Variants in LCLAT1 observed in about 807,000 individuals in gnomAD.
The protein encoded by LCLAT1 is lysocardiolipin acyltransferase 1.
LCLAT1 carries 11 observed loss-of-function variants against 30.7 expected under a neutral mutation model. The ratio of observed to expected loss-of-function variants is 0.36; its 90% CI spans 0.23 to 0.59. The LOEUF is 0.59. LCLAT1 is among the 20% of genes least tolerant of loss of function. The pLI, the probability that LCLAT1 is intolerant of heterozygous loss-of-function variation, is 0.77. For missense variants in LCLAT1, 402 were observed against 458.6 expected, an observed-to-expected ratio of 0.88 and a Z score of 1.13; for synonymous variants, 155 against 151.3, an observed-to-expected ratio of 1.02 and a Z score of -0.18.
chr2:30,558,075 G>A (rs891586156), intron 3 of LCLAT1, among the ~76,000 whole-genome samples: 2 of 152,294 alleles, frequency 1.3e-5, no homozygotes, highest in East Asian at 1.9e-4. Context: ...ACATCCTAAT[G>A]AGTTTGGGAT....
intron 5 of LCLAT1, among the ~76,000 whole-genome samples, chr2:30,620,235 T>A (rs1183036296): frequency 6.6e-6 from 1 of 152,178 alleles, no homozygotes; most frequent in African/African-American, 2.4e-5. Context: ...ATTTCCCCAG[T>A]GTGGCCTTTC....
chr2:30,474,412 G>A (rs1158293783), intron 1 of LCLAT1, among the ~76,000 whole-genome samples: 2 of 152,136 alleles, frequency 1.3e-5, no homozygotes, highest in Non-Finnish European at 2.9e-5. Flanking sequence ...TGCAGTGAGT[G>A]GGGGTTAAAA....
chr2:30,622,221 AC>A (rs953878773), intron 5 of LCLAT1, among the ~76,000 whole-genome samples: 14 of 151,866 alleles, frequency 9.2e-5, no homozygotes, highest in African/African-American at 3.1e-4. Flanking sequence ...TGAGAACCAC[AC>A]CCCCATCCCC....
chr2:30,612,745 G>A (rs1374078851), intron 5 of LCLAT1, among the ~76,000 whole-genome samples: 1 of 152,078 alleles, frequency 6.6e-6, no homozygotes, highest in African/African-American at 2.4e-5. Context: ...CTCTCATAAT[G>A]CACCTTTCTA....
At chr2:30,562,760 A>G (rs1463623612) in intron 4 of LCLAT1, among the ~76,000 whole-genome samples, 1 of 152,196 alleles carries the variant, frequency 6.6e-6, no homozygotes, top group Non-Finnish European at 1.5e-5. Flanking sequence ...GTTAATGTTT[A>G]TCCTCCCCTA....
At chr2:30,592,692 ATT>A (rs766488182) in intron 5 of LCLAT1, among the ~76,000 whole-genome samples, 43 of 152,336 alleles carry the variant, frequency 2.8e-4, no homozygotes, top group Middle Eastern at 3.4e-3. Context: ...ATTTAAATAT[ATT>A]TAGTTACACA....
chr2:30,538,161 T>C (rs1663896059), intron 3 of LCLAT1, among the ~76,000 whole-genome samples: 1 of 152,026 alleles, frequency 6.6e-6, no homozygotes, highest in Non-Finnish European at 1.5e-5. Context: ...AATACACCTC[T>C]ATGAACTAGG....
At chr2:30,466,941 T>A (rs1320107845) in intron 1 of LCLAT1, among the ~76,000 whole-genome samples, 3 of 152,218 alleles carry the variant, frequency 2.0e-5, no homozygotes, top group Non-Finnish European at 4.4e-5. Context: ...ATTTATTTTT[T>A]ATTTTTTTTA....
intron 3 of LCLAT1, among the ~76,000 whole-genome samples, chr2:30,542,019 GT>G (rs1257913340): frequency 3.3e-5 from 5 of 152,092 alleles, no homozygotes. Context: ...CATATAGCTT[GT>G]TTTATGATGT....
At chr2:30,469,476 C>T (rs1046768003) in intron 1 of LCLAT1, among the ~76,000 whole-genome samples, 5 of 151,878 alleles carry the variant, frequency 3.3e-5, no homozygotes, top group Admixed American at 3.3e-4. Flanking sequence ...ATTGTTCTCT[C>T]TCCATTGAAT....
intron 1 of LCLAT1, among the ~76,000 whole-genome samples, chr2:30,463,804 G>C (rs957691786): frequency 6.6e-6 from 1 of 152,116 alleles, no homozygotes. Flanking sequence ...TTAGATGACT[G>C]TGCTTCACTT....
chr2:30,469,101 TG>T (rs373275323), intron 1 of LCLAT1, among the ~76,000 whole-genome samples: 87 of 152,324 alleles, frequency 5.7e-4, no homozygotes, highest in African/African-American at 2.0e-3. Context: ...AAAAGTTATT[TG>T]TCTTTTTGTT....
chr2:30,568,721 A>G (rs1291079758), intron 5 of LCLAT1, among the ~76,000 whole-genome samples: 1 of 151,122 alleles, frequency 6.6e-6, no homozygotes, highest in Non-Finnish European at 1.5e-5. Flanking sequence ...GTTAGCCGGG[A>G]TGGTCTCGAT....
intron 5 of LCLAT1, among the ~76,000 whole-genome samples, chr2:30,586,168 C>T (rs948738493): frequency 1.1e-4 from 16 of 140,848 alleles, no homozygotes; most frequent in African/African-American, 3.3e-4. Flanking sequence ...GGCGTCAACC[C>T]GGGAGGCGGA....
rs1429040989 is a variant in LCLAT1, at chr2:30,642,402, T to C, written c.*1783T>C. On this transcript the variant is annotated 3_prime_UTR_variant, in exon 6 of 6. Transcript: ENST00000379509. ...AGCTTGTTTTTTCTTTTTCTTTTCT[T>C]TTTTTTTTTTTTTTTTTAAAAAAGC... 3.8e-4 allele frequency: 2 copies of C among 5,230 alleles called. No homozygotes were observed. The highest frequency in any genetic ancestry group is 7.6e-4 in the Non-Finnish European group (2 of 2,642). The allele number at this position is 5,230 out of a possible 1,614,324, so 0.3% of individuals were successfully genotyped here.
chr2:30,617,865 A>G (rs924695366), intron 5 of LCLAT1, among the ~76,000 whole-genome samples: 2 of 152,246 alleles, frequency 1.3e-5, no homozygotes, highest in African/African-American at 4.8e-5. Context: ...GGCTTGCAAG[A>G]ATGTTTTATA....
At chr2:30,499,528 T>C (rs2148339929) in intron 1 of LCLAT1, among the ~76,000 whole-genome samples, 1 of 152,326 alleles carries the variant, frequency 6.6e-6, no homozygotes, top group South Asian at 2.1e-4. Flanking sequence ...TTGGGATTTT[T>C]GGATAAAGAG....
chr2:30,534,616 C>A (rs1429766207), intron 3 of LCLAT1, among the ~76,000 whole-genome samples: 2 of 152,172 alleles, frequency 1.3e-5, no homozygotes, highest in Non-Finnish European at 2.9e-5. Flanking sequence ...ATATCTTTAT[C>A]TTTCTCTTTG....
At chr2:30,590,232 G>A (rs1475067380) in intron 5 of LCLAT1, among the ~76,000 whole-genome samples, 2 of 151,898 alleles carry the variant, frequency 1.3e-5, no homozygotes, top group Non-Finnish European at 2.9e-5. Flanking sequence ...GAGTGAAGAT[G>A]TGTCTTGAAA....
Sources: allele counts gnomAD v4.1 joint callset (sites outside exome capture counted in the v4.1 genomes callset), GRCh38; gene constraint gnomAD v4.1.1; transcripts MANE v1.5; gene names NCBI Gene and HGNC (gene_info 2026-07-23, HGNC 2026-07-21).